FOXO1: variants seen among roughly 807,000 people sequenced by gnomAD.
The protein encoded by FOXO1 is forkhead box O1.
In FOXO1, 6 loss-of-function variants were observed where a neutral mutation model predicts 44.1. That is an observed-to-expected ratio of 0.14 (90% CI 0.07 to 0.27). The LOEUF (loss-of-function observed/expected upper bound fraction) is 0.27, where lower values mean the gene tolerates loss of function less well. Among genes scored for constraint, FOXO1 ranks in the 10% least tolerant of loss-of-function variants. The pLI is 1.00. For synonymous variants in FOXO1, 380 were observed against 362.7 expected (o/e 1.05, Z -0.54); for missense variants, 737 against 888.8 (o/e 0.83, Z 2.17).
intron 1 of FOXO1, among the ~76,000 whole-genome samples, chr13:40,657,771 T>A (rs1024868155): frequency 2.0e-5 from 3 of 152,162 alleles, no homozygotes; most frequent in Non-Finnish European, 4.4e-5. Flanking sequence ...ATGTTTTGAG[T>A]CATTGCTACC....
intron 1 of FOXO1, among the ~76,000 whole-genome samples, chr13:40,640,944 C>T (rs1387412572): frequency 6.6e-6 from 1 of 152,066 alleles, no homozygotes; most frequent in Non-Finnish European, 1.5e-5. Context: ...CCACCATACC[C>T]GGCTGATTTT....
Position 40,558,610 on chromosome 13 carries a change from A to T in FOXO1, c.*439T>A. On this transcript the variant is annotated 3_prime_UTR_variant, in exon 3 of 3. Transcript: ENST00000379561. ...CAAAAGTTTAACTTATCAAGACATG[A>T]GGCCCATCACAGTATTACAAAAAGA... 2.7e-6 allele frequency: 1 copy of T among 371,952 alleles called. No homozygotes were observed. The highest frequency in any genetic ancestry group is 4.6e-5 in the Admixed American group (1 of 21,958). The allele number at this position is 371,952 out of a possible 1,614,324, so 23.0% of individuals were successfully genotyped here. A position where few individuals can be genotyped will look rare whatever the true frequency, so the allele number is the denominator to read the frequency against.
intron 1 of FOXO1, among the ~76,000 whole-genome samples, chr13:40,647,780 A>G (rs1489383973): frequency 6.6e-6 from 1 of 152,288 alleles, no homozygotes; most frequent in Middle Eastern, 3.4e-3. Flanking sequence ...TCCCTGCTAT[A>G]TAGCTTCTGG....
intron 1 of FOXO1, among the ~76,000 whole-genome samples, chr13:40,586,063 C>T (rs1875152539): frequency 6.6e-6 from 1 of 152,180 alleles, no homozygotes; most frequent in Non-Finnish European, 1.5e-5. Flanking sequence ...AGGCTGCTGC[C>T]ATGACACAAA....
chr13:40,637,952 T>G (rs532970226), intron 1 of FOXO1, among the ~76,000 whole-genome samples: 8 of 152,234 alleles, frequency 5.3e-5, no homozygotes, highest in Non-Finnish European at 1.0e-4. Flanking sequence ...CAGATGAGAC[T>G]AAGATACTGG....
chr13:40,576,888 T>C (rs1391214713), intron 1 of FOXO1, among the ~76,000 whole-genome samples: 1 of 152,238 alleles, frequency 6.6e-6, no homozygotes, highest in Non-Finnish European at 1.5e-5. Context: ...GGTTCTTACA[T>C]TTTGAAGGTT....
Position 40,613,359 on chromosome 13 carries a change from C to T in FOXO1, c.630+52224G>A, listed in dbSNP as rs114482153. Among the ~76,000 whole-genome samples, 619 of 152,100 alleles carry T rather than the reference C, an allele frequency of 4.1e-3. 3 individuals are homozygous for T. Among genetic ancestry groups the T allele is most frequent in the African/African-American group, 0.014 (566 of 41,452 alleles). On this transcript the variant is annotated intron_variant, in intron 1 of 2. Transcript: ENST00000379561. The stretch of plus-strand genomic sequence containing the variant: ...ATGTGGTTTGCAAGAGGGCTCCTCC[C>T]TTTACAATCTGCTTCTCCGACACCC...
intron 1 of FOXO1, among the ~76,000 whole-genome samples, chr13:40,584,485 AAAAAAAAAAAAAAAAAG>A (rs1205630502): frequency 4.5e-5 from 4 of 88,858 alleles, no homozygotes; most frequent in Admixed American, 1.0e-4. Flanking sequence ...AAAAAAAAAA[AAAAAAAAAAAAAAAAAG>A]CCAGATGCAG....
At chr13:40,597,844 T>C (rs529443540) in intron 1 of FOXO1, among the ~76,000 whole-genome samples, 1 of 152,270 alleles carries the variant, frequency 6.6e-6, no homozygotes, top group African/African-American at 2.4e-5. Context: ...AAAATCTTCA[T>C]TAAGTAATTT....
At chr13:40,590,303 C>A (rs1875319599) in intron 1 of FOXO1, among the ~76,000 whole-genome samples, 1 of 152,206 alleles carries the variant, frequency 6.6e-6, no homozygotes, top group African/African-American at 2.4e-5. Context: ...CAAAACAACA[C>A]AACAGGAATG....
intron 1 of FOXO1, among the ~76,000 whole-genome samples, chr13:40,590,326 T>A (rs1425818958): frequency 2.6e-5 from 4 of 152,212 alleles, no homozygotes; most frequent in Non-Finnish European, 5.9e-5. Flanking sequence ...TACTATACTA[T>A]GGGCCAAATG....
rs188242716 is a variant in FOXO1, at chr13:40,656,169, T to C, written c.630+9414A>G. Among the ~76,000 whole-genome samples, 460 of 152,350 alleles carry C rather than the reference T, an allele frequency of 3.0e-3. 3 individuals are homozygous for C. Among genetic ancestry groups the C allele is most frequent in the Non-Finnish European group, 5.4e-3 (369 of 68,032 alleles). ...CAAATTTAACCTCCTCTGGATCTAT[T>C]GAAATATCCCATTATAATCTTCATT... On this transcript the variant is annotated intron_variant, in intron 1 of 2. Transcript: ENST00000379561.
chr13:40,609,419 G>A (rs190770125), intron 1 of FOXO1, among the ~76,000 whole-genome samples: 3 of 152,250 alleles, frequency 2.0e-5, no homozygotes, highest in South Asian at 4.1e-4. Context: ...CCTAGAATGT[G>A]TATAGAATTA....
rs1338928070 is a variant in FOXO1 at position 40,556,982 on chromosome 13, C to T, written c.*2067G>A. ...TTTCTAAAACCAGCTATGTCTTGGACTGCCCCAAAATGAGGATGATAGAGT... is the reference window on the plus strand; with the variant it reads ...TTTCTAAAACCAGCTATGTCTTGGATTGCCCCAAAATGAGGATGATAGAGT... On this transcript the variant is annotated 3_prime_UTR_variant, in exon 3 of 3. Transcript: ENST00000379561. The T allele has an allele frequency of 6.6e-6, 1 of 152,184 alleles. No individual in the cohort carries two copies. The highest frequency in any genetic ancestry group is 1.5e-5 in the Non-Finnish European group (1 of 68,040). The allele number at this position is 152,184 out of a possible 1,614,324, so 9.4% of individuals were successfully genotyped here.
At chr13:40,653,154 G>C (rs1877741464) in intron 1 of FOXO1, among the ~76,000 whole-genome samples, 1 of 151,864 alleles carries the variant, frequency 6.6e-6, no homozygotes, top group African/African-American at 2.4e-5. Flanking sequence ...GTTTTTAGTA[G>C]AGGCAGGGTT....
chr13:40,560,191 A>G lies in FOXO1; in HGVS notation c.1300T>C (p.Leu434=). 6.2e-7 allele frequency: 1 copy of G among 1,614,164 alleles called. No individual in the cohort carries two copies. Among genetic ancestry groups the G allele is most frequent in the Non-Finnish European group, 8.5e-7 (1 of 1,180,018 alleles). Residue 434 remains leucine, a synonymous_variant, in exon 2 of 3, where the codon TTG becomes CTG. Coordinates refer to ENST00000379561, the MANE Select transcript of FOXO1 (RefSeq NM_002015.4). The surrounding 1 kb of genome is among the most constrained non-coding windows in gnomAD (Gnocchi z 5.1). ...AGTGTTTGTATAGGCATCTGGGGCAAAGGGCTCATGCTGGATTGGCCATAT... is the reference window on the plus strand; with the variant it reads ...AGTGTTTGTATAGGCATCTGGGGCAGAGGGCTCATGCTGGATTGGCCATAT... ...YTYGQSSMSP[L]PQMPIQTLQD...
intron 1 of FOXO1, among the ~76,000 whole-genome samples, chr13:40,648,425 CAA>C (rs1488455044): frequency 5.3e-5 from 8 of 152,210 alleles, no homozygotes; most frequent in Non-Finnish European, 1.0e-4. Flanking sequence ...TCAAACTAGT[CAA>C]AAAATAAATC....
chr13:40,595,834 T>G (rs1055914564), intron 1 of FOXO1, among the ~76,000 whole-genome samples: 1 of 152,142 alleles, frequency 6.6e-6, no homozygotes, highest in African/African-American at 2.4e-5. Flanking sequence ...TATGACCACA[T>G]TTCAAAGTAT....
In FOXO1 at chr13:40,611,698, T is replaced by C. The variant is rs1876240113; in HGVS notation, c.631-50838A>G. ...AAGCTGTGTTTGGGAGAGAGGACGG[T>C]GCTCAGCACTCTCTCACGAGCCCTG... On this transcript the variant is annotated intron_variant, in intron 1 of 2. Coordinates refer to ENST00000379561, the MANE Select transcript of FOXO1 (RefSeq NM_002015.4). Among the ~76,000 whole-genome samples, 4 of 152,114 alleles carry C rather than the reference T, an allele frequency of 2.6e-5. No homozygotes were observed. The South Asian group carries it at 8.3e-4, about 32-fold the overall frequency.
Sources: gnomAD v4.1 joint callset for allele counts (sites outside exome capture counted in the v4.1 genomes callset) on GRCh38, gnomAD v4.1.1 for gene constraint, Gnocchi (gnomAD v3.1) non-coding constraint, MANE v1.5 for transcripts, NCBI Gene and HGNC (gene_info 2026-07-23, HGNC 2026-07-21) for gene names.